DGCR2: variants seen among roughly 807,000 people sequenced by gnomAD.
The protein encoded by DGCR2 is DiGeorge syndrome critical region gene 2.
DGCR2 carries 24 observed loss-of-function variants against 51.6 expected under a neutral mutation model. The observed-to-expected ratio is 0.47, with a 90% CI of 0.34 to 0.65. DGCR2 has a LOEUF of 0.65. DGCR2 is among the 30% of genes least tolerant of loss of function. The pLI, the probability that DGCR2 is intolerant of heterozygous loss-of-function variation, is 0.01. For missense variants in DGCR2, 765 were observed against 772.1 expected (o/e 0.99, Z 0.11); for synonymous variants, 340 against 315.4 (o/e 1.08, Z -0.82).
chr22:19,044,104 G>A lies in DGCR2; in HGVS notation c.1007-2145C>T, dbSNP rs575740394. Among the ~76,000 whole-genome samples, 7 of 152,224 alleles carry A rather than the reference G, an allele frequency of 4.6e-5. No homozygotes were observed. In the South Asian group the frequency reaches 6.2e-4, roughly 14 times the overall value. On this transcript the variant is annotated intron_variant, in intron 7 of 9. Transcript: ENST00000263196. Reference sequence around the variant, plus strand: ...CTTTGCAATGACTAACTCTTAATCCGTTCTAAAATAAACCCAAGGACACGG... The same window carrying A: ...CTTTGCAATGACTAACTCTTAATCCATTCTAAAATAAACCCAAGGACACGG...
chr22:19,038,705 A>C lies in DGCR2; in HGVS notation c.*160T>G, dbSNP rs2082397095. 2.1e-6 allele frequency: 2 copies of C among 933,014 alleles called. No individual in the cohort carries two copies. Among genetic ancestry groups the C allele is most frequent in the South Asian group, 3.5e-5 (2 of 57,946 alleles). 57.8% of individuals were successfully genotyped at this position (933,014 alleles called of 1,614,324 possible). ...GCAGGCCATCACTTCTTTTGGCAGA[A>C]GGCGGGCTGTGGTCTCTATGTACAC... On this transcript the variant is annotated 3_prime_UTR_variant, in exon 10 of 10. Coordinates refer to ENST00000263196, the MANE Select transcript of DGCR2 (RefSeq NM_005137.3).
intron 6 of DGCR2, among the ~76,000 whole-genome samples, chr22:19,056,760 G>A (rs2082607958): frequency 6.6e-6 from 1 of 152,094 alleles, no homozygotes; most frequent in African/African-American, 2.4e-5. Context: ...TCTTCCGTGG[G>A]AAAAGAAGCT....
intron 6 of DGCR2, among the ~76,000 whole-genome samples, chr22:19,054,342 G>GT (rs531321452): frequency 1.2e-4 from 19 of 152,326 alleles, no homozygotes; most frequent in African/African-American, 3.6e-4. Context: ...CTGAAATACT[G>GT]TAACTGGTGA....
chr22:19,039,129 AAG>A lies in DGCR2; in HGVS notation c.1397-10_1397-9del. 1.2e-6 allele frequency: 2 copies of A among 1,612,764 alleles called. No homozygotes were observed. The highest frequency in any genetic ancestry group is 1.7e-6 in the Non-Finnish European group (2 of 1,179,864). ...GCTCAAAAGCATCATCGTCTGCAGG[AAG>A]AGACAGAGGGGTGTCAGAGGCAGGT... is the stretch of plus-strand genomic sequence containing the variant. On this transcript the variant is annotated splice_polypyrimidine_tract_variant and intron_variant, in intron 9 of 9. Transcript: ENST00000263196.
Position 19,112,952 on chromosome 22 carries a change from A to C in DGCR2, c.79+9176T>G, listed in dbSNP as rs762867478. ...TCTGAAACTATTCTGGGTGCAGTGT[A>C]AGACTAAGCAAATGAGTAAACCTAC... On this transcript the variant is annotated intron_variant, in intron 1 of 9. Coordinates refer to ENST00000263196, the MANE Select transcript of DGCR2 (RefSeq NM_005137.3). Among the ~76,000 whole-genome samples the C allele has an allele frequency of 2.0e-4, 29 of 144,598 alleles. 2 individuals are homozygous for C. The highest frequency in any genetic ancestry group is 4.1e-4 in the Admixed American group (6 of 14,490). 94.9% of individuals were successfully genotyped at this position (144,598 alleles called of 152,430 possible). A position where few individuals can be genotyped will look rare whatever the true frequency, so the allele number is the denominator to read the frequency against.
intron 7 of DGCR2, 121 bp from the exon 8 acceptor site, chr22:19,042,080 C>A: frequency 2.6e-6 from 3 of 1,161,696 alleles, no homozygotes; most frequent in Non-Finnish European, 3.6e-6. Context: ...TGTCTCCCTG[C>A]ACCCAACCAT....
intron 8 of DGCR2, 45 bp from the exon 9 acceptor site, chr22:19,041,339 G>A (rs772370169): frequency 3.8e-6 from 6 of 1,586,358 alleles, no homozygotes; most frequent in Non-Finnish European, 5.2e-6. Context: ...CAAGTCACTG[G>A]GGGCAGGCTG....
At chr22:19,083,706 C>CCCTCCCCCTCT (rs1555907888) in intron 2 of DGCR2, among the ~76,000 whole-genome samples, 2 of 106,672 alleles carry the variant, frequency 1.9e-5, no homozygotes, top group South Asian at 3.9e-4. Context: ...CCTCCCCCTC[C>CCCTCCCCCTCT]CCCTCTCCCT....
At chr22:19,091,785 C>T (rs985908703) in intron 1 of DGCR2, among the ~76,000 whole-genome samples, 26 of 151,500 alleles carry the variant, frequency 1.7e-4, no homozygotes, top group African/African-American at 5.6e-4. Context: ...TACTAAAATA[C>T]AAAAATTAGT....
In DGCR2 at chr22:19,054,667, A is replaced by G. The variant is rs905257093; in HGVS notation, c.802+2319T>C. Among the ~76,000 whole-genome samples the G allele has an allele frequency of 9.2e-4, 140 of 151,856 alleles. 1 individual carries two copies. The highest frequency in any genetic ancestry group is 3.3e-3 in the African/African-American group (135 of 41,368). ...GCTCACTTGAGCCTAGGAGTTCAAG[A>G]CTGTACTGTGCTATGATCGTGCCTG... On this transcript the variant is annotated intron_variant, in intron 6 of 9. Coordinates refer to ENST00000263196, the MANE Select transcript of DGCR2 (RefSeq NM_005137.3).
chr22:19,101,886 G>A (rs2083206531), intron 1 of DGCR2, among the ~76,000 whole-genome samples: 1 of 150,802 alleles, frequency 6.6e-6, no homozygotes, highest in Non-Finnish European at 1.5e-5. Context: ...GAAACTCCGT[G>A]TCTACTAAAA....
At chr22:19,083,654 G>C (rs1278195143) in intron 2 of DGCR2, among the ~76,000 whole-genome samples, 1 of 150,514 alleles carries the variant, frequency 6.6e-6, no homozygotes, top group Non-Finnish European at 1.5e-5. Flanking sequence ...GTTAATTCTC[G>C]TTTATATCAA....
intron 6 of DGCR2, among the ~76,000 whole-genome samples, chr22:19,053,468 C>T (rs116238335): frequency 0.01 from 1,594 of 152,212 alleles, 28 homozygotes; most frequent in African/African-American, 0.036. Context: ...AATACGAAAG[C>T]CTGAGGTGCA....
chr22:19,120,002 C>T (rs1171256296), intron 1 of DGCR2, among the ~76,000 whole-genome samples: 2 of 152,116 alleles, frequency 1.3e-5, no homozygotes, highest in African/African-American at 4.8e-5. Flanking sequence ...AGAGAAGCCC[C>T]AGCCTCTTGC....
intron 2 of DGCR2, among the ~76,000 whole-genome samples, chr22:19,079,849 G>A (rs979121148): frequency 6.6e-6 from 1 of 152,254 alleles, no homozygotes; most frequent in African/African-American, 2.4e-5. Flanking sequence ...CTGGTCTGGT[G>A]TGCTTTGTTC....
intron 1 of DGCR2, among the ~76,000 whole-genome samples, chr22:19,113,297 G>C (rs1011552333): frequency 1.3e-5 from 2 of 152,084 alleles, no homozygotes; most frequent in African/African-American, 4.8e-5. Flanking sequence ...TTGAACCCGG[G>C]AGGCGGAGGT....
intron 2 of DGCR2, among the ~76,000 whole-genome samples, chr22:19,073,816 C>T (rs966956445): frequency 1.3e-5 from 2 of 152,114 alleles, no homozygotes; most frequent in Non-Finnish European, 2.9e-5. Flanking sequence ...TGGGGCAGTA[C>T]TCGACTAAAA....
intron 1 of DGCR2, among the ~76,000 whole-genome samples, chr22:19,120,207 T>C (rs899028905): frequency 3.3e-5 from 5 of 152,178 alleles, no homozygotes; most frequent in Admixed American, 1.3e-4. Flanking sequence ...GTAGCTGCAA[T>C]GTTCTCATCT....
Position 19,057,492 on chromosome 22 carries a change from TAAC to T in DGCR2, c.626-333_626-331del, listed in dbSNP as rs2082616604. Among the ~76,000 whole-genome samples, 1 of 152,142 alleles carries T rather than the reference TAAC, an allele frequency of 6.6e-6. No individual in the cohort carries two copies. The highest frequency in any genetic ancestry group is 1.5e-5 in the Non-Finnish European group (1 of 68,032). On this transcript the variant is annotated intron_variant, in intron 5 of 9. Coordinates refer to ENST00000263196, the MANE Select transcript of DGCR2 (RefSeq NM_005137.3). The surrounding 1 kb of genome is among the most constrained non-coding windows in gnomAD (Gnocchi z 5.1). Reference sequence around the variant, plus strand: ...ATTTAAAGTTAGAGCAACAGCATAATAACAAAGTAATGGATTGTGGCACACTGG... The same window carrying T: ...ATTTAAAGTTAGAGCAACAGCATAATAAAGTAATGGATTGTGGCACACTGG...
Sources: allele counts gnomAD v4.1 joint callset (sites outside exome capture counted in the v4.1 genomes callset), GRCh38; gene constraint gnomAD v4.1.1; non-coding constraint Gnocchi (gnomAD v3.1); transcripts MANE v1.5; gene names NCBI Gene and HGNC (gene_info 2026-07-23, HGNC 2026-07-21).